The following NR2C2 variants were observed in gnomAD, a reference collection of about 807,000 sequenced individuals.
The protein encoded by NR2C2 is nuclear receptor subfamily 2 group C member 2.
NR2C2 carries 6 observed loss-of-function variants against 62.9 expected under a neutral mutation model. That is an observed-to-expected ratio of 0.10 (90% confidence interval 0.05 to 0.19). The LOEUF is 0.19. NR2C2 is among the 10% of genes least tolerant of loss of function. NR2C2 has a pLI of 1.00. For synonymous variants in NR2C2, 272 were observed against 273.8 expected (o/e 0.99, Z 0.07); for missense variants, 479 against 762.7 (o/e 0.63, Z 4.38).
chr3:15,004,604 C>T, intron 2 of NR2C2: 2 of 1,612,372 alleles, frequency 1.2e-6, no homozygotes, highest in Non-Finnish European at 1.7e-6. Context: ...CATCTTTGAA[C>T]AAAGAGAAGG....
chr3:14,996,053 A>T (rs1349958749), intron 1 of NR2C2, among the ~76,000 whole-genome samples: 1 of 152,126 alleles, frequency 6.6e-6, no homozygotes, highest in Non-Finnish European at 1.5e-5. Flanking sequence ...AGGGTTCTTC[A>T]TATATTCTGA....
At chr3:14,958,930 C>T (rs996198377) in intron 1 of NR2C2, among the ~76,000 whole-genome samples, 12 of 152,300 alleles carry the variant, frequency 7.9e-5, no homozygotes, top group African/African-American at 2.6e-4. Flanking sequence ...GAGCCGAGAT[C>T]GTGCCACTGC....
chr3:15,033,603 C>G (rs1279270174), intron 10 of NR2C2, among the ~76,000 whole-genome samples: 1 of 150,246 alleles, frequency 6.7e-6, no homozygotes, highest in Non-Finnish European at 1.5e-5. Context: ...AATGGCCTAC[C>G]CCTTGCTACT....
At position 15,016,265 on chromosome 3, in the gene NR2C2, C is replaced by G. The variant is rs2041509280; in HGVS notation, c.376+11C>G. 1 of 1,595,534 alleles carries G rather than the reference C, an allele frequency of 6.3e-7. No homozygotes were observed. The highest frequency in any genetic ancestry group is 1.3e-5 in the African/African-American group (1 of 74,502). ...GCGACAAAGCCTCCGGTATGTAGTT[C>G]CAGGTTATGCTGGCACTTATAATGG... On this transcript the variant is annotated intron_variant, in intron 4 of 13. Coordinates refer to ENST00000425241, the MANE Select transcript of NR2C2 (RefSeq NM_001291694.2).
chr3:14,980,010 C>G (rs937529882), intron 1 of NR2C2, among the ~76,000 whole-genome samples: 2 of 152,000 alleles, frequency 1.3e-5, no homozygotes, highest in Non-Finnish European at 2.9e-5. Context: ...GGGGTTGCTC[C>G]CTATTTTAAA....
chr3:14,954,294 C>G (rs867068853), intron 1 of NR2C2, among the ~76,000 whole-genome samples: 35 of 151,190 alleles, frequency 2.3e-4, no homozygotes, highest in Middle Eastern at 3.4e-3. Flanking sequence ...TATAATATGT[C>G]TTTTCTAAAG....
rs780281033 is a variant in NR2C2, at chr3:14,965,750, G to A, written c.-40+17844G>A. On this transcript the variant is annotated intron_variant, in intron 1 of 13. Transcript: ENST00000425241. ...GTGATCTCAGCTCACTGCAACCTCC[G>A]CCTCCTGGGTTCAAGCTATTCTCCT... 6.3e-4 allele frequency among the ~76,000 whole-genome samples: 96 copies of A among 151,904 alleles called. 1 individual carries two copies. Among genetic ancestry groups the A allele is most frequent in the African/African-American group, 2.1e-3 (86 of 41,420 alleles).
At position 15,020,068 on chromosome 3, in the gene NR2C2, T is replaced by C. The variant is rs2041627992; in HGVS notation, c.377-685T>C. 2.0e-5 allele frequency among the ~76,000 whole-genome samples: 3 copies of C among 152,198 alleles called. No homozygotes were observed. In the South Asian group the frequency reaches 6.2e-4, roughly 32 times the overall value. ...TCAGAAATAAAAAGAGACACCAAAG[T>C]AAAACAAGATTAGAAAAATGGACTG... On this transcript the variant is annotated intron_variant, in intron 4 of 13. Coordinates refer to ENST00000425241, the MANE Select transcript of NR2C2 (RefSeq NM_001291694.2).
intron 1 of NR2C2, among the ~76,000 whole-genome samples, chr3:14,992,576 T>A (rs930241222): frequency 6.6e-6 from 1 of 152,192 alleles, no homozygotes; most frequent in Non-Finnish European, 1.5e-5. Flanking sequence ...TGTGGTGTTC[T>A]GTGGAGAGTA....
intron 2 of NR2C2, among the ~76,000 whole-genome samples, chr3:15,006,747 A>G (rs1574994376): frequency 7.0e-6 from 1 of 142,966 alleles, no homozygotes; most frequent in South Asian, 2.3e-4. Flanking sequence ...CTAAACATTT[A>G]TTTGGCTGCT....
At chr3:15,003,786 G>C (rs2041088064) in intron 1 of NR2C2, 90 bp from the exon 2 acceptor site, 1 of 771,958 alleles carries the variant, frequency 1.3e-6, no homozygotes, top group African/African-American at 1.7e-5. Flanking sequence ...ATCACTCCAG[G>C]CCACAGTGAA....
At chr3:14,970,536 G>A (rs190040179) in intron 1 of NR2C2, among the ~76,000 whole-genome samples, 1 of 152,176 alleles carries the variant, frequency 6.6e-6, no homozygotes, top group East Asian at 1.9e-4. Context: ...CCATGTCTCT[G>A]AATTTGACTT....
At chr3:14,960,724 C>T (rs746475439) in intron 1 of NR2C2, among the ~76,000 whole-genome samples, 5 of 152,158 alleles carry the variant, frequency 3.3e-5, no homozygotes, top group South Asian at 4.1e-4. Flanking sequence ...TTAGTTGCAG[C>T]CACATGTTTA....
At position 15,012,194 on chromosome 3, in the gene NR2C2, G is replaced by C. The variant is rs188379952; in HGVS notation, c.73-1395G>C. 1.2e-3 allele frequency among the ~76,000 whole-genome samples: 189 copies of C among 151,556 alleles called. 1 individual carries two copies. The highest frequency in any genetic ancestry group is 4.0e-3 in the African/African-American group (164 of 41,384). On this transcript the variant is annotated intron_variant, in intron 2 of 13. Coordinates refer to ENST00000425241, the MANE Select transcript of NR2C2 (RefSeq NM_001291694.2). ...GTTAGCCAAGCTGTTGTGTTAGACT[G>C]TGTGAGTTTGTTGTCTCAACCTTGA...
rs1559292468 is a variant in NR2C2 at position 15,013,771 on chromosome 3, C to T, written c.255C>T (p.Leu85=). Residue 85 remains leucine, a synonymous_variant, in exon 3 of 14, where the codon CTC becomes CTT. Coordinates refer to ENST00000425241, the MANE Select transcript of NR2C2 (RefSeq NM_001291694.2). ...KQLIFTTSDN[L]VPGRIQIVTD... ...TCATATTCACCACCTCAGACAACCT[C>T]GTCCCTGGCAGGATCCAGGTAAGGC... The T allele has an allele frequency of 9.3e-6, 15 of 1,614,214 alleles. No individual in the cohort carries two copies. The highest frequency in any genetic ancestry group is 2.2e-5 in the East Asian group (1 of 44,878).
chr3:14,973,673 G>A (rs2040117106), intron 1 of NR2C2, among the ~76,000 whole-genome samples: 1 of 152,096 alleles, frequency 6.6e-6, no homozygotes, highest in Admixed American at 6.5e-5. Flanking sequence ...AGAACCATTT[G>A]TTAAAAAGAC....
chr3:14,971,827 A>G (rs1176333330), intron 1 of NR2C2, among the ~76,000 whole-genome samples: 1 of 125,744 alleles, frequency 8.0e-6, no homozygotes, highest in Non-Finnish European at 1.7e-5. Context: ...TTTTTTTTTG[A>G]GACAGAGTTT....
At chr3:15,030,661 C>G (rs1403015676) in intron 9 of NR2C2, among the ~76,000 whole-genome samples, 1 of 152,114 alleles carries the variant, frequency 6.6e-6, no homozygotes, top group Non-Finnish European at 1.5e-5. Context: ...AATCCCATCT[C>G]TCCTAAAAAT....
At chr3:14,998,836 C>A (rs989805165) in intron 1 of NR2C2, among the ~76,000 whole-genome samples, 2 of 150,586 alleles carry the variant, frequency 1.3e-5, no homozygotes, top group African/African-American at 4.9e-5. Context: ...CATAGGGAGA[C>A]CTCATCTCTG....
Sources: allele counts gnomAD v4.1 joint callset (sites outside exome capture counted in the v4.1 genomes callset), GRCh38; gene constraint gnomAD v4.1.1; transcripts MANE v1.5; gene names NCBI Gene and HGNC (gene_info 2026-07-23, HGNC 2026-07-21).